Variants in HELB observed in about 807,000 individuals in gnomAD.
HELB encodes DNA helicase B.
Under a neutral mutation model 101.7 loss-of-function variants are expected in HELB, and 96 were observed. That is an observed-to-expected ratio of 0.94 (90% CI 0.80 to 1.12). The LOEUF is 1.12. Ranked by LOEUF, HELB falls within the 50% of genes most tolerant of loss-of-function variation. HELB has a pLI of 0.00. For synonymous variants in HELB, 437 were observed against 459.7 expected, an observed-to-expected ratio of 0.95 and a Z score of 0.63; for missense variants, 1,210 against 1,291.9, an observed-to-expected ratio of 0.94 and a Z score of 0.97.
At position 66,324,169 on chromosome 12, in the gene HELB, T is replaced by C; in HGVS notation, c.2484T>C (p.Ser828=). 1 of 1,613,814 alleles carries C rather than the reference T, an allele frequency of 6.2e-7. No individual in the cohort carries two copies. Among genetic ancestry groups the C allele is most frequent in the African/African-American group, 1.3e-5 (1 of 75,034 alleles). ...DFAKNKRDFE[S]NVRLCNGEIF... Reference sequence around the variant, plus strand: ...CTAAAAATAAGCGTGACTTTGAAAGTAACGTTCGACTGTGCAATGGAGAGA... The same window carrying C: ...CTAAAAATAAGCGTGACTTTGAAAGCAACGTTCGACTGTGCAATGGAGAGA... The change falls in exon 10 of 13, where the codon AGT becomes AGC. Residue 828 remains serine (S), a synonymous_variant. Transcript: ENST00000247815.
intron 12 of HELB, among the ~76,000 whole-genome samples, chr12:66,336,210 C>A (rs944920005): frequency 6.6e-6 from 1 of 152,072 alleles, no homozygotes; most frequent in African/African-American, 2.4e-5. Flanking sequence ...TCTAGTGCCC[C>A]TCCTTTAGTT....
intron 11 of HELB, among the ~76,000 whole-genome samples, chr12:66,328,785 A>G (rs563095552): frequency 2.6e-5 from 4 of 152,166 alleles, no homozygotes; most frequent in African/African-American, 9.6e-5. Flanking sequence ...TAATAACTTA[A>G]TATTGATTAT....
chr12:66,315,260 C>T lies in HELB; in HGVS notation c.1877C>T (p.Pro626Leu), dbSNP rs1417947182. The T allele has an allele frequency of 1.3e-6, 2 of 1,598,950 alleles. No homozygotes were observed. The highest frequency in any genetic ancestry group is 1.1e-5 in the South Asian group (1 of 88,286). ...CTTTTAGGTGACATTAGACAGTTAC[C>T]CAGTATTGAACCTGGTAACTTGCTG... ...LIILGDIRQLPSIEPGNLLKD... is the reference protein window; with the variant it reads ...LIILGDIRQLLSIEPGNLLKD... The change falls in exon 6 of 13, where the codon CCC (proline) becomes CTC (leucine). Residue 626 changes from proline to leucine, a missense_variant. Physicochemically the swap from Pro to Leu is moderately conservative, Grantham distance 98. Coordinates refer to ENST00000247815, the MANE Select transcript of HELB (RefSeq NM_001370285.1).
intron 5 of HELB, 85 bp downstream of exon 5, chr12:66,314,248 TAC>T: frequency 8.5e-7 from 1 of 1,176,920 alleles, no homozygotes; most frequent in Non-Finnish European, 1.2e-6. Context: ...GTTGGTTGTT[TAC>T]ACCAGAATTG....
chr12:66,324,461 T>G, intron 10 of HELB: 1 of 340,276 alleles, frequency 2.9e-6, no homozygotes, highest in East Asian at 5.0e-5. Context: ...TCTTATATTT[T>G]CTAGAAGATT....
At chr12:66,324,691 A>C (rs2137008100) in intron 10 of HELB, among the ~76,000 whole-genome samples, 1 of 152,358 alleles carries the variant, frequency 6.6e-6, no homozygotes, top group African/African-American at 2.4e-5. Flanking sequence ...TTATGTAGTC[A>C]ATACAAGAAA....
At chr12:66,338,216 T>C, downstream of HELB, 1 of 678,956 alleles carries the variant, frequency 1.5e-6, no homozygotes, top group Non-Finnish European at 2.6e-6. Context: ...TTTTAAGGTA[T>C]TTGTGTTAGC....
chr12:66,337,619 TA>T (rs34804860), intron 12 of HELB, among the ~76,000 whole-genome samples: 6,991 of 137,640 alleles, frequency 0.051, 385 homozygotes, highest in African/African-American at 0.15. Context: ...GGCCCACACT[TA>T]AAAAAAAAAA....
chr12:66,310,330 A>G lies in HELB; in HGVS notation c.1402A>G (p.Asn468Asp). 1 of 1,614,186 alleles carries G rather than the reference A, an allele frequency of 6.2e-7. No homozygotes were observed. Among genetic ancestry groups the G allele is most frequent in the South Asian group, 1.1e-5 (1 of 91,086 alleles). The change falls in exon 4 of 13, where the codon AAT (asparagine) becomes GAT (aspartate). Residue 468 changes from asparagine to aspartate, a missense_variant. Physicochemically the swap from Asn to Asp is conservative, Grantham distance 23 (BLOSUM62 1). Coordinates refer to ENST00000247815, the MANE Select transcript of HELB (RefSeq NM_001370285.1). ...GGCTGCTTTGGAAATGATTTGCTCCAATCCTGTGACAGTCATAAGTGGGAA... is the reference window on the plus strand; with the variant it reads ...GGCTGCTTTGGAAATGATTTGCTCCGATCCTGTGACAGTCATAAGTGGGAA... ...QVAALEMICS[N>D]PVTVISGKGG...
At chr12:66,307,327 A>G (rs2053488559) in intron 3 of HELB, among the ~76,000 whole-genome samples, 1 of 152,194 alleles carries the variant, frequency 6.6e-6, no homozygotes, top group Non-Finnish European at 1.5e-5. Flanking sequence ...AGAAGAGTGG[A>G]AGAGCAATTA....
downstream of HELB, chr12:66,341,276 G>C (rs947442550): frequency 1.3e-5 from 2 of 152,286 alleles, no homozygotes; most frequent in African/African-American, 4.8e-5. Context: ...CACAGCACAG[G>C]AAGAAAGAGA....
At chr12:66,313,545 G>C (rs1470050608) in intron 4 of HELB, among the ~76,000 whole-genome samples, 1 of 152,076 alleles carries the variant, frequency 6.6e-6, no homozygotes, top group African/African-American at 2.4e-5. Flanking sequence ...GGGTGGTGCG[G>C]TGGTAGTTTT....
In HELB at chr12:66,310,147, C is replaced by A; in HGVS notation, c.1219C>A (p.Pro407Thr). The A allele has an allele frequency of 6.2e-7, 1 of 1,614,158 alleles. No individual in the cohort carries two copies. The highest frequency in any genetic ancestry group is 8.5e-7 in the Non-Finnish European group (1 of 1,180,022). The part of the protein sequence containing the change: ...SSDDALNESK[P>T]DEVRLENPVD... ...CGATGATGCATTGAATGAGAGCAAA[C>A]CTGATGAAGTAAGATTAGAAAATCC... Residue 407 changes from proline (P) to threonine (T), a missense_variant, in exon 4 of 13, where the codon CCT becomes ACT. Pro to Thr is a conservative substitution (Grantham distance 38). This residue lies in a region of HELB where 470 missense variants were observed against 563.1 expected (regional missense o/e 0.83). Transcript: ENST00000247815.
At chr12:66,323,541 G>A (rs986528682) in intron 9 of HELB, among the ~76,000 whole-genome samples, 1 of 152,196 alleles carries the variant, frequency 6.6e-6, no homozygotes, top group Non-Finnish European at 1.5e-5. Flanking sequence ...CACTTCTTCA[G>A]TTTGCTGCTG....
At position 66,315,342 on chromosome 12, in the gene HELB, C is replaced by A. The variant is rs117680200; in HGVS notation, c.1959C>A (p.Asn653Lys). 1.9e-6 allele frequency: 3 copies of A among 1,606,346 alleles called. No individual in the cohort carries two copies. The highest frequency in any genetic ancestry group is 2.5e-6 in the Non-Finnish European group (3 of 1,176,510). Residue 653 changes from asparagine (N) to lysine (K), a missense_variant, in exon 6 of 13, where the codon AAC becomes AAA. Asn to Lys is a moderately conservative substitution (Grantham distance 94). Coordinates refer to ENST00000247815, the MANE Select transcript of HELB (RefSeq NM_001370285.1). Reference sequence around the variant, plus strand: ...ATTGTGCTATTGAGCTAAAGACAAACCATAGAGCAGAATCTCAGCTCATTG... The same window carrying A: ...ATTGTGCTATTGAGCTAAAGACAAAACATAGAGCAGAATCTCAGCTCATTG... ...SRNCAIELKTNHRAESQLIVD... is the reference protein window; with the variant it reads ...SRNCAIELKTKHRAESQLIVD...
intron 12 of HELB, among the ~76,000 whole-genome samples, chr12:66,336,444 G>A (rs974018160): frequency 3.3e-5 from 5 of 152,158 alleles, no homozygotes; most frequent in Non-Finnish European, 7.3e-5. Flanking sequence ...GGTTCTAATA[G>A]AAGTGTAAGA....
intron 4 of HELB, 105 bp from the exon 5 acceptor site, chr12:66,313,881 C>T: frequency 1.1e-6 from 1 of 924,480 alleles, no homozygotes; most frequent in Non-Finnish European, 1.8e-6. Context: ...TACTTCCCAC[C>T]CACCCCTGCC....
chr12:66,307,454 C>G (rs1265443487), intron 3 of HELB, among the ~76,000 whole-genome samples: 1 of 152,082 alleles, frequency 6.6e-6, no homozygotes, highest in African/African-American at 2.4e-5. Context: ...TTTTAGAGGT[C>G]TTTAGAGCCT....
intron 12 of HELB, among the ~76,000 whole-genome samples, chr12:66,334,222 G>A (rs1038788375): frequency 4.1e-5 from 6 of 147,702 alleles, no homozygotes; most frequent in African/African-American, 1.5e-4. Context: ...AACACCTTCA[G>A]GAGCCAGGCA....
Sources: allele counts gnomAD v4.1 joint callset (sites outside exome capture counted in the v4.1 genomes callset), GRCh38; gene constraint gnomAD v4.1.1; regional missense constraint gnomAD v4.1.1; transcripts MANE v1.5; gene names NCBI Gene and HGNC (gene_info 2026-07-23, HGNC 2026-07-21).